The following CEP128 variants were observed in gnomAD, a reference collection of about 807,000 sequenced individuals.
CEP128 encodes the protein centrosomal protein 128kDa.
CEP128 carries 132 observed loss-of-function variants against 156.7 expected under a neutral mutation model. The observed-to-expected ratio is 0.84, with a 90% CI of 0.73 to 0.97. The LOEUF (loss-of-function observed/expected upper bound fraction) is 0.97. CEP128 is among the 50% of genes least tolerant of loss of function. CEP128 has a pLI of 0.00. For synonymous variants in CEP128, 469 were observed against 448.9 expected (o/e 1.04, Z -0.57); for missense variants, 1,252 against 1,281.9 (o/e 0.98, Z 0.36).
chr14:80,957,054 T>C (rs976034410), intron 2 of CEP128, among the ~76,000 whole-genome samples: 1 of 152,132 alleles, frequency 6.6e-6, no homozygotes, highest in Non-Finnish European at 1.5e-5. Flanking sequence ...ACCTCATTGC[T>C]CCTCATTTCT....
chr14:80,848,369 A>G (rs1400215267), intron 9 of CEP128, among the ~76,000 whole-genome samples: 1 of 152,154 alleles, frequency 6.6e-6, no homozygotes, highest in Non-Finnish European at 1.5e-5. Context: ...ACAACAATAG[A>G]AAATTAGGGG....
intron 8 of CEP128, among the ~76,000 whole-genome samples, chr14:80,863,215 T>C (rs1887603901): frequency 6.6e-6 from 1 of 152,222 alleles, no homozygotes; most frequent in Non-Finnish European, 1.5e-5. Context: ...ATACCAATTT[T>C]GCTAAAAATT....
intron 19 of CEP128, among the ~76,000 whole-genome samples, chr14:80,633,285 T>C (rs990231385): frequency 2.6e-5 from 4 of 152,112 alleles, no homozygotes; most frequent in African/African-American, 7.2e-5. Context: ...CTTTTGAAAC[T>C]TTCCTCAAGA....
At chr14:80,594,910 G>A (rs563972905) in intron 19 of CEP128, among the ~76,000 whole-genome samples, 2 of 152,358 alleles carry the variant, frequency 1.3e-5, no homozygotes, top group South Asian at 4.1e-4. Flanking sequence ...GTGGAAGACA[G>A]TGTGGCAATT....
chr14:80,837,276 T>C (rs543500795), intron 11 of CEP128, among the ~76,000 whole-genome samples: 1 of 152,318 alleles, frequency 6.6e-6, no homozygotes, highest in Admixed American at 6.5e-5. Context: ...ATAATTGCAG[T>C]TTGTATTAAA....
chr14:80,762,152 T>A, intron 16 of CEP128, among the ~76,000 whole-genome samples: 1 of 152,278 alleles, frequency 6.6e-6, no homozygotes, highest in East Asian at 1.9e-4. Context: ...GAAAATTTGA[T>A]AAAAGAAAGA....
intron 16 of CEP128, among the ~76,000 whole-genome samples, chr14:80,773,993 G>A (rs758073401): frequency 9.9e-5 from 15 of 152,200 alleles, no homozygotes; most frequent in Non-Finnish European, 1.0e-4. Context: ...CATAACACTC[G>A]TTCTCTTTGT....
upstream of CEP128, among the ~76,000 whole-genome samples, chr14:80,944,691 G>A (rs1163279211): frequency 1.3e-5 from 2 of 151,270 alleles, no homozygotes; most frequent in African/African-American, 2.4e-5. Flanking sequence ...GTGTGGCGGC[G>A]GGTGCCTGTA....
At chr14:80,575,921 T>C (rs1328004927) in intron 20 of CEP128, among the ~76,000 whole-genome samples, 1 of 152,160 alleles carries the variant, frequency 6.6e-6, no homozygotes, top group Non-Finnish European at 1.5e-5. Flanking sequence ...TCATGACTCA[T>C]TTCAAATAAA....
intron 19 of CEP128, among the ~76,000 whole-genome samples, chr14:80,682,102 T>C (rs1896346579): frequency 6.6e-6 from 1 of 151,858 alleles, no homozygotes; most frequent in Non-Finnish European, 1.5e-5. Flanking sequence ...AGTAAGACCC[T>C]TTCCCCCCAC....
At chr14:80,928,312 A>C (rs1264747648) in intron 2 of CEP128, among the ~76,000 whole-genome samples, 1 of 152,208 alleles carries the variant, frequency 6.6e-6, no homozygotes, top group Non-Finnish European at 1.5e-5. Context: ...GAAATACCAG[A>C]TAAAAAATTC....
chr14:80,746,749 T>C (rs960958731), intron 18 of CEP128, among the ~76,000 whole-genome samples: 2 of 152,164 alleles, frequency 1.3e-5, no homozygotes, highest in African/African-American at 4.8e-5. Flanking sequence ...ATTGAACTTC[T>C]TTGAAATTAA....
intron 21 of CEP128, among the ~76,000 whole-genome samples, chr14:80,547,651 G>A (rs1890040896): frequency 6.6e-6 from 1 of 152,038 alleles, no homozygotes; most frequent in Non-Finnish European, 1.5e-5. Context: ...GACATAGTAG[G>A]GACATAATAA....
At chr14:80,584,663 C>T (rs562483049) in intron 19 of CEP128, among the ~76,000 whole-genome samples, 21 of 152,280 alleles carry the variant, frequency 1.4e-4, no homozygotes, top group African/African-American at 4.3e-4. Flanking sequence ...AGAAGCACCA[C>T]TCTATGCAAA....
At chr14:80,920,893 T>C (rs910504689) in intron 2 of CEP128, among the ~76,000 whole-genome samples, 4 of 152,358 alleles carry the variant, frequency 2.6e-5, no homozygotes, top group Non-Finnish European at 4.4e-5. Context: ...GAAGAGCTTA[T>C]ACCTTTGCCC....
intron 19 of CEP128, among the ~76,000 whole-genome samples, chr14:80,584,751 G>C (rs963155945): frequency 2.0e-5 from 3 of 152,152 alleles, no homozygotes; most frequent in African/African-American, 7.2e-5. Flanking sequence ...AGCGTGATTA[G>C]TATCTTTCAT....
intron 21 of CEP128, 82 bp downstream of exon 21, chr14:80,559,197 G>T: frequency 8.2e-7 from 1 of 1,213,776 alleles, no homozygotes; most frequent in Non-Finnish European, 1.2e-6. Context: ...TTCTGAAACT[G>T]TTTCCTTTGG....
intron 19 of CEP128, among the ~76,000 whole-genome samples, chr14:80,709,164 A>C (rs1431597876): frequency 1.3e-5 from 2 of 150,376 alleles, no homozygotes; most frequent in African/African-American, 4.9e-5. Flanking sequence ...TTTGAGACGG[A>C]GTTTCGCTCT....
intron 19 of CEP128, among the ~76,000 whole-genome samples, chr14:80,614,140 T>A (rs1893116569): frequency 6.6e-6 from 1 of 151,870 alleles, no homozygotes; most frequent in South Asian, 2.1e-4. Context: ...ATACATAAAA[T>A]TGGAAGAAAA....
Sources: allele counts gnomAD v4.1 joint callset (sites outside exome capture counted in the v4.1 genomes callset), GRCh38; gene constraint gnomAD v4.1.1; transcripts MANE v1.5; gene names NCBI Gene and HGNC (gene_info 2026-07-23, HGNC 2026-07-21).